Variants in ERMARD observed in about 807,000 individuals in gnomAD.
ERMARD encodes ER membrane associated RNA degradation.
Under a neutral mutation model 83.9 loss-of-function variants are expected in ERMARD, and 71 were observed. The observed-to-expected ratio is 0.85, with a 90% CI of 0.70 to 1.03. The LOEUF (loss-of-function observed/expected upper bound fraction) is 1.03, where lower values mean the gene tolerates loss of function less well. ERMARD is among the 50% of genes least tolerant of loss of function. The pLI is 0.00. For missense variants in ERMARD, 838 were observed against 810.9 expected (o/e 1.03, Z -0.41); for synonymous variants, 284 against 298.6 (o/e 0.95, Z 0.50).
intron 2 of ERMARD, 84 bp downstream of exon 2, chr6:169,754,116 T>C: frequency 1.5e-6 from 2 of 1,338,198 alleles, no homozygotes; most frequent in East Asian, 2.3e-5. Flanking sequence ...TTCTGACCAT[T>C]GGTTCCTTTT....
intron 7 of ERMARD, 124 bp downstream of exon 7, chr6:169,760,098 C>A (rs1791346809): frequency 1.3e-6 from 2 of 1,497,690 alleles, no homozygotes; most frequent in Non-Finnish European, 1.8e-6. Flanking sequence ...AGTCGGATGG[C>A]TTTCAGAGTT....
intron 16 of ERMARD, among the ~76,000 whole-genome samples, chr6:169,777,606 A>G (rs1020036173): frequency 3.9e-5 from 6 of 152,202 alleles, no homozygotes; most frequent in Non-Finnish European, 5.9e-5. Flanking sequence ...AACACTTACA[A>G]TGTTAAACAT....
chr6:169,757,904 C>A (rs565885603), intron 5 of ERMARD, among the ~76,000 whole-genome samples: 2 of 152,234 alleles, frequency 1.3e-5, no homozygotes, highest in African/African-American at 2.4e-5. Context: ...TCGATCTGTT[C>A]TTTGGTACTT....
Position 169,776,658 on chromosome 6 carries a change from T to A in ERMARD, c.1724T>A (p.Leu575Gln). ...CGGTCTCGCCAGCGGCAGAACTACCTGCGTATGTGGAGTAGGTGCGCGCTC... is the reference window on the plus strand; with the variant it reads ...CGGTCTCGCCAGCGGCAGAACTACCAGCGTATGTGGAGTAGGTGCGCGCTC... ...TLRSRQRQNY[L>Q]RMWSSIRLLS... Residue 575 changes from leucine to glutamine, a missense_variant, in exon 16 of 18, where the codon CTG (leucine) becomes CAG (glutamine). Physicochemically the swap from Leu to Gln is moderately radical, Grantham distance 113. Transcript: ENST00000366773. 1 of 1,613,780 alleles carries A rather than the reference T, an allele frequency of 6.2e-7. No homozygotes were observed. Among genetic ancestry groups the A allele is most frequent in the South Asian group, 1.1e-5 (1 of 91,066 alleles).
At chr6:169,778,352 A>G (rs1031975646) in intron 16 of ERMARD, among the ~76,000 whole-genome samples, 5 of 152,246 alleles carry the variant, frequency 3.3e-5, no homozygotes, top group Non-Finnish European at 5.9e-5. Flanking sequence ...GGTTCTATCT[A>G]TCTAAATGAA....
chr6:169,751,529 G>C (rs1009474088), upstream of ERMARD: 3 of 1,610,202 alleles, frequency 1.9e-6, no homozygotes, highest in African/African-American at 2.7e-5. Flanking sequence ...AGCCAGTCCC[G>C]CGAGGGCGGA....
chr6:169,751,482 C>A (rs372199180), upstream of ERMARD: 22 of 1,612,260 alleles, frequency 1.4e-5, no homozygotes, highest in African/African-American at 1.1e-4. Flanking sequence ...CCAAGACGCC[C>A]ACCGCCTCCC....
Position 169,769,684 on chromosome 6 carries a change from G to A in ERMARD, c.1204G>A (p.Val402Ile), listed in dbSNP as rs571271480. The A allele has an allele frequency of 2.7e-5, 43 of 1,607,702 alleles. No homozygotes were observed. The East Asian group carries it at 4.3e-4, about 16-fold the overall frequency. The change falls in exon 12 of 18, where the codon GTT becomes ATT. Residue 402 changes from valine to isoleucine, a missense_variant. Physicochemically the swap from Val to Ile is conservative, Grantham distance 29 (BLOSUM62 3). Coordinates refer to ENST00000366773, the MANE Select transcript of ERMARD (RefSeq NM_018341.3). ...TTCTCTTGTACTGCTACTCAGATTC[G>A]TTGATGACTGTCTGCTATCAGTTTT... ...AFSLVLLLRF[V>I]DDCLLSVFKE...
At chr6:169,780,230 C>T (rs1794053964) in intron 17 of ERMARD, among the ~76,000 whole-genome samples, 1 of 152,118 alleles carries the variant, frequency 6.6e-6, no homozygotes, top group Non-Finnish European at 1.5e-5. Context: ...TTGTAGGACG[C>T]TCAGTAGCAG....
At chr6:169,752,053 A>C (rs1054380729) in intron 1 of ERMARD, 9 of 246,428 alleles carry the variant, frequency 3.7e-5, no homozygotes, top group African/African-American at 2.0e-4. Flanking sequence ...TAGGGTCCAC[A>C]CTCGGACAGT....
rs80103896 is a variant in ERMARD, at chr6:169,776,250, A to T, written c.1520+185A>T. On this transcript the variant is annotated intron_variant, in intron 15 of 17. Transcript: ENST00000366773. ...TCTCTGTGCAAGCTTGGCACATCTG[A>T]TGAGGCTGTGAATGCCACATTCTGT... 1,237 of 1,537,936 alleles carry T rather than the reference A, an allele frequency of 8.0e-4. 9 individuals are homozygous for T. In the African/African-American group the frequency reaches 0.013, roughly 17 times the overall value.
upstream of ERMARD, chr6:169,751,338 C>T: frequency 1.2e-6 from 2 of 1,613,676 alleles, no homozygotes; most frequent in Non-Finnish European, 1.7e-6. Context: ...TCCGCACTCA[C>T]TGCCTCCTTC....
At chr6:169,780,211 C>T (rs1308284527) in intron 17 of ERMARD, among the ~76,000 whole-genome samples, 2 of 152,176 alleles carry the variant, frequency 1.3e-5, no homozygotes, top group Admixed American at 1.3e-4. Flanking sequence ...TGCAAGACTG[C>T]CCTGCTCATT....
intron 9 of ERMARD, among the ~76,000 whole-genome samples, chr6:169,763,342 C>G (rs1791787138): frequency 6.6e-6 from 1 of 152,184 alleles, no homozygotes; most frequent in South Asian, 2.1e-4. Context: ...GAGGGCCAGG[C>G]CTTCCTTATG....
intron 14 of ERMARD, 35 bp downstream of exon 14, chr6:169,775,381 CT>C (rs1793464250): frequency 4.4e-6 from 7 of 1,603,972 alleles, no homozygotes; most frequent in Non-Finnish European, 6.0e-6. Context: ...TGACCTCAAG[CT>C]TGTCTGGTAC....
intron 13 of ERMARD, 31 bp downstream of exon 13, chr6:169,773,433 G>C: frequency 6.2e-7 from 1 of 1,602,932 alleles, no homozygotes; most frequent in Non-Finnish European, 8.5e-7. Flanking sequence ...CGGGAGGGGC[G>C]TGTATGTCTC....
intron 13 of ERMARD, among the ~76,000 whole-genome samples, chr6:169,774,111 G>A (rs527944230): frequency 8.1e-4 from 123 of 152,320 alleles, no homozygotes; most frequent in Non-Finnish European, 1.3e-3. Flanking sequence ...CGAGGCGGGC[G>A]GATCACAACG....
intron 9 of ERMARD, among the ~76,000 whole-genome samples, chr6:169,764,504 A>C (rs898809035): frequency 1.3e-5 from 2 of 152,010 alleles, no homozygotes; most frequent in African/African-American, 4.8e-5. Context: ...ACTCCTGGGC[A>C]TAAGTCATCC....
chr6:169,751,566 A>G, upstream of ERMARD: 2 of 1,609,342 alleles, frequency 1.2e-6, no homozygotes, highest in Non-Finnish European at 1.7e-6. Flanking sequence ...CTCGTACGGT[A>G]GGAAGTGCCC....
Sources: allele counts gnomAD v4.1 joint callset (sites outside exome capture counted in the v4.1 genomes callset), GRCh38; gene constraint gnomAD v4.1.1; transcripts MANE v1.5; gene names NCBI Gene and HGNC (gene_info 2026-07-23, HGNC 2026-07-21).